The following MCEE variants were observed in gnomAD, a reference collection of about 807,000 sequenced individuals.
MCEE encodes methylmalonyl-CoA epimerase, also known as methylmalonyl-CoA epimerase, mitochondrial.
Under a neutral mutation model 12.9 loss-of-function variants are expected in MCEE, and 6 were observed. That is an observed-to-expected ratio of 0.47 (90% CI 0.26 to 0.92). The LOEUF is 0.92. Ranked by LOEUF, MCEE falls within the 40% of genes least tolerant of loss-of-function variation. The probability of loss-of-function intolerance (pLI) is 0.16; values close to 1 mark genes in which losing one functional copy is unlikely to be tolerated. For synonymous variants in MCEE, 78 were observed against 77.9 expected (o/e 1.00, Z -0.01); for missense variants, 214 against 212.1 (o/e 1.01, Z -0.05).
At position 71,125,211 on chromosome 2, in the gene MCEE, A is replaced by ATATATTTTT; in HGVS notation, c.41-669_41-668insAAAAATATA. Among the ~76,000 whole-genome samples, 71 of 48,590 alleles carry ATATATTTTT rather than the reference A, an allele frequency of 1.5e-3. 1 individual carries two copies. Among genetic ancestry groups the ATATATTTTT allele is most frequent in the Non-Finnish European group, 2.2e-3 (49 of 22,700 alleles). 31.9% of individuals were successfully genotyped at this position (48,590 alleles called of 152,430 possible). On this transcript the variant is annotated intron_variant, in intron 1 of 2. Transcript: ENST00000244217. ...TAAATATATATATATATATATATAT[A>ATATATTTTT]TTTTTTTTTTTTTTTGAGACGGAGT... is the stretch of plus-strand genomic sequence containing the variant.
At chr2:71,130,096 G>A in intron 1 of MCEE, 84 bp downstream of exon 1, 1 of 1,385,700 alleles carries the variant, frequency 7.2e-7, no homozygotes, top group South Asian at 1.2e-5. Flanking sequence ...AGGTGCTTTG[G>A]CCACGCCGAG....
chr2:71,123,162 C>T (rs1246765533), intron 2 of MCEE, among the ~76,000 whole-genome samples: 2 of 152,204 alleles, frequency 1.3e-5, no homozygotes, highest in Non-Finnish European at 2.9e-5. Flanking sequence ...CTTGAATTCA[C>T]TCTAGAATCA....
chr2:71,125,211 A>ATATTTTTTTTTTT lies in MCEE; in HGVS notation c.41-669_41-668insAAAAAAAAAAATA. On this transcript the variant is annotated intron_variant, in intron 1 of 2. Transcript: ENST00000244217. The stretch of plus-strand genomic sequence containing the variant: ...TAAATATATATATATATATATATAT[A>ATATTTTTTTTTTT]TTTTTTTTTTTTTTTGAGACGGAGT... Among the ~76,000 whole-genome samples the ATATTTTTTTTTTT allele has an allele frequency of 5.6e-4, 27 of 48,600 alleles. 1 individual carries two copies. Among genetic ancestry groups the ATATTTTTTTTTTT allele is most frequent in the Admixed American group, 6.6e-4 (2 of 3,008 alleles). The allele number at this position is 48,600 out of a possible 152,430, so 31.9% of individuals were successfully genotyped here. A position where few individuals can be genotyped will look rare whatever the true frequency, so the allele number is the denominator to read the frequency against.
At position 71,124,303 on chromosome 2, in the gene MCEE, G is replaced by T. The variant is rs1202090732; in HGVS notation, c.281C>A (p.Thr94Asn). 6.2e-7 allele frequency: 1 copy of T among 1,614,092 alleles called. No individual in the cohort carries two copies. The highest frequency in any genetic ancestry group is 8.5e-7 in the Non-Finnish European group (1 of 1,179,982). Residue 94 changes from threonine (T) to asparagine (N), a missense_variant, in exon 2 of 3, where the codon ACC becomes AAC. Physicochemically the swap from Thr to Asn is moderately conservative, Grantham distance 65. Coordinates refer to ENST00000244217, the MANE Select transcript of MCEE (RefSeq NM_032601.4). Reference sequence around the variant, plus strand: ...CAATGGATGAAGCAGTTCCATCTTGGTATTTCCCAGGTTGACAAAAACAAC... The same window carrying T: ...CAATGGATGAAGCAGTTCCATCTTGTTATTTCCCAGGTTGACAAAAACAAC... ...VSVVFVNLGNTKMELLHPLGR... is the reference protein window; with the variant it reads ...VSVVFVNLGNNKMELLHPLGR...
At chr2:71,112,145 T>G (rs908573539) in intron 2 of MCEE, among the ~76,000 whole-genome samples, 11 of 152,196 alleles carry the variant, frequency 7.2e-5, no homozygotes, top group African/African-American at 2.7e-4. Flanking sequence ...GGTGTGGTTT[T>G]CTTTCTTTTG....
chr2:71,115,393 A>G (rs1197711735), intron 2 of MCEE, among the ~76,000 whole-genome samples: 2 of 152,060 alleles, frequency 1.3e-5, no homozygotes, highest in Non-Finnish European at 2.9e-5. Flanking sequence ...CAAAAAACTA[A>G]TAAATGTCTA....
chr2:71,112,072 A>C (rs981627579), intron 2 of MCEE, among the ~76,000 whole-genome samples: 1 of 152,078 alleles, frequency 6.6e-6, no homozygotes, highest in Non-Finnish European at 1.5e-5. Context: ...TGTCTTTTTT[A>C]CTTTGATTGC....
chr2:71,130,066 C>T (rs1673335971), intron 1 of MCEE, 114 bp downstream of exon 1: 2 of 1,091,728 alleles, frequency 1.8e-6, no homozygotes, highest in Non-Finnish European at 2.7e-6. Flanking sequence ...AACGCGCCCC[C>T]GGGGGAGGAC....
intron 2 of MCEE, among the ~76,000 whole-genome samples, chr2:71,111,978 C>T (rs1672893110): frequency 6.6e-6 from 1 of 152,154 alleles, no homozygotes; most frequent in Non-Finnish European, 1.5e-5. Flanking sequence ...TCTTTTACAC[C>T]AACTTGGCCG....
intron 2 of MCEE, among the ~76,000 whole-genome samples, chr2:71,123,679 T>G (rs1035448508): frequency 7.9e-5 from 12 of 152,204 alleles, no homozygotes; most frequent in African/African-American, 2.9e-4. Flanking sequence ...TGTCTAACAT[T>G]TCTTCACATT....
At chr2:71,129,274 T>C (rs1475897648) in intron 1 of MCEE, among the ~76,000 whole-genome samples, 2 of 152,214 alleles carry the variant, frequency 1.3e-5, no homozygotes, top group Non-Finnish European at 2.9e-5. Flanking sequence ...GACATAAAAA[T>C]GCCTTTTCCC....
chr2:71,110,288 GAAGT>G (rs1466959801), intron 2 of MCEE, among the ~76,000 whole-genome samples, 166 bp from the exon 3 acceptor site: 2 of 152,128 alleles, frequency 1.3e-5, no homozygotes, highest in Non-Finnish European at 2.9e-5. Context: ...AATTTTCAGA[GAAGT>G]AAGAGAAGTT....
intron 1 of MCEE, among the ~76,000 whole-genome samples, chr2:71,128,724 C>T (rs1164858053): frequency 1.1e-4 from 17 of 152,054 alleles, no homozygotes; most frequent in Admixed American, 4.6e-4. Flanking sequence ...GAGACGGGCT[C>T]ACGCCTGTAA....
intron 1 of MCEE, among the ~76,000 whole-genome samples, chr2:71,128,616 G>A (rs528437248): frequency 6.9e-4 from 104 of 151,004 alleles, no homozygotes; most frequent in Non-Finnish European, 1.5e-5. Flanking sequence ...GCCAACCTCC[G>A]CCTCCCGGGT....
intron 1 of MCEE, among the ~76,000 whole-genome samples, chr2:71,126,720 T>C (rs1484252433): frequency 6.6e-6 from 1 of 152,172 alleles, no homozygotes; most frequent in African/African-American, 2.4e-5. Context: ...GAAAAGTTTG[T>C]TGTGAATTGA....
At position 71,110,027 on chromosome 2, in the gene MCEE, C is replaced by A. The variant is rs1672854524; in HGVS notation, c.474G>T (p.Val158=). 2 of 1,613,718 alleles carry A rather than the reference C, an allele frequency of 1.2e-6. No homozygotes were observed. Among genetic ancestry groups the A allele is most frequent in the African/African-American group, 1.3e-5 (1 of 74,898 alleles). Residue 158 remains valine (V), a synonymous_variant, in exon 3 of 3, where the codon GTG becomes GTT. Transcript: ENST00000244217. The stretch of plus-strand genomic sequence containing the variant: ...CACAGTCTTTAGGATGGAGAAAAAT[C>A]ACTGGTTTTCCATGTGCTCCTATTT... ...EVKIGAHGKP[V]IFLHPKDCGG... is the part of the protein sequence containing the mutation.
chr2:71,117,410 C>A (rs1460895832), intron 2 of MCEE: 1 of 150,172 alleles, frequency 6.7e-6, no homozygotes, highest in South Asian at 2.1e-4. Context: ...TTTTAATTCC[C>A]TAGTTTATTG....
intron 2 of MCEE, among the ~76,000 whole-genome samples, chr2:71,122,936 A>G (rs1673127137): frequency 6.6e-6 from 1 of 152,222 alleles, no homozygotes; most frequent in Admixed American, 6.5e-5. Context: ...CAGCAACTCA[A>G]TCTGCCAGGA....
intron 2 of MCEE, among the ~76,000 whole-genome samples, chr2:71,112,330 T>A (rs1672902681): frequency 6.6e-6 from 1 of 151,492 alleles, no homozygotes; most frequent in South Asian, 2.1e-4. Context: ...AGAGAAGGGG[T>A]TTCACCATGT....
Sources: gnomAD v4.1 joint callset for allele counts (sites outside exome capture counted in the v4.1 genomes callset) on GRCh38, gnomAD v4.1.1 for gene constraint, MANE v1.5 for transcripts, NCBI Gene and HGNC (gene_info 2026-07-23, HGNC 2026-07-21) for gene names.